The following GABRB1 variants were observed in gnomAD, a reference collection of about 807,000 sequenced individuals.
GABRB1 encodes the protein gamma-aminobutyric acid type A receptor subunit beta1.
Under a neutral mutation model 51.6 loss-of-function variants are expected in GABRB1, and 17 were observed. The ratio of observed to expected loss-of-function variants is 0.33; its 90% CI spans 0.23 to 0.49. The LOEUF (loss-of-function observed/expected upper bound fraction) is 0.49. Ranked by LOEUF, GABRB1 falls within the 20% of genes least tolerant of loss-of-function variation. The pLI, the probability that GABRB1 is intolerant of heterozygous loss-of-function variation, is 0.99. For synonymous variants in GABRB1, 247 were observed against 218.9 expected, an observed-to-expected ratio of 1.13 and a Z score of -1.14; for missense variants, 410 against 600.6, an observed-to-expected ratio of 0.68 and a Z score of 3.32.
At chr4:47,106,210 G>C (rs1227930740) in intron 3 of GABRB1, among the ~76,000 whole-genome samples, 1 of 151,938 alleles carries the variant, frequency 6.6e-6, no homozygotes, top group African/African-American at 2.4e-5. Flanking sequence ...TTTATGTCCA[G>C]TTTACAGGAG....
At chr4:47,120,898 GGA>G (rs1310495857) in intron 3 of GABRB1, among the ~76,000 whole-genome samples, 1 of 152,062 alleles carries the variant, frequency 6.6e-6, no homozygotes, top group African/African-American at 2.4e-5. Flanking sequence ...GCAGAAGAAA[GGA>G]GACTTTTCGG....
At chr4:47,123,560 TAATATATTA>T (rs1715916913) in intron 3 of GABRB1, among the ~76,000 whole-genome samples, 1 of 66,122 alleles carries the variant, frequency 1.5e-5, no homozygotes, top group Non-Finnish European at 2.6e-5. Context: ...TTATATATTA[TAATATATTA>T]CATTATTTCA....
chr4:47,198,621 G>T (rs981254297), intron 4 of GABRB1, among the ~76,000 whole-genome samples: 1 of 152,180 alleles, frequency 6.6e-6, no homozygotes, highest in Non-Finnish European at 1.5e-5. Flanking sequence ...GGCAATTGTT[G>T]TTATATAGTG....
intron 4 of GABRB1, among the ~76,000 whole-genome samples, chr4:47,253,617 C>T (rs1157618562): frequency 6.6e-6 from 1 of 152,206 alleles, no homozygotes; most frequent in Non-Finnish European, 1.5e-5. Flanking sequence ...ACACCACCCA[C>T]TTTCTTTTAT....
chr4:47,320,746 A>C (rs1392965243), intron 5 of GABRB1, among the ~76,000 whole-genome samples: 2 of 148,660 alleles, frequency 1.3e-5, no homozygotes, highest in African/African-American at 4.9e-5. Context: ...CTGCTTTTTC[A>C]CTGATTGTTT....
intron 5 of GABRB1, among the ~76,000 whole-genome samples, chr4:47,351,358 A>G (rs1726323240): frequency 6.6e-6 from 1 of 152,212 alleles, no homozygotes; most frequent in Admixed American, 6.5e-5. Context: ...ATTAAAAGCC[A>G]AGACAAATTG....
At chr4:47,074,492 G>A (rs1454806813) in intron 3 of GABRB1, among the ~76,000 whole-genome samples, 2 of 152,140 alleles carry the variant, frequency 1.3e-5, no homozygotes, top group African/African-American at 4.8e-5. Flanking sequence ...TCTATAAAAT[G>A]GGTATAAAAT....
intron 3 of GABRB1, among the ~76,000 whole-genome samples, chr4:47,135,729 G>A (rs1716620693): frequency 1.3e-5 from 2 of 151,834 alleles, no homozygotes; most frequent in African/African-American, 4.8e-5. Flanking sequence ...TGCTGTCAGA[G>A]TGATCTTTAT....
intron 4 of GABRB1, among the ~76,000 whole-genome samples, chr4:47,186,770 C>A (rs1348662375): frequency 1.3e-5 from 2 of 151,860 alleles, no homozygotes; most frequent in Admixed American, 6.6e-5. Flanking sequence ...GTAGGCTCCT[C>A]TTATTAGAGA....
intron 4 of GABRB1, among the ~76,000 whole-genome samples, chr4:47,194,827 T>C (rs1167489312): frequency 6.6e-6 from 1 of 152,220 alleles, no homozygotes; most frequent in Non-Finnish European, 1.5e-5. Flanking sequence ...TAAAGGATAT[T>C]AAGTTCCTTA....
chr4:47,113,290 G>A (rs1715314105), intron 3 of GABRB1, among the ~76,000 whole-genome samples: 1 of 150,720 alleles, frequency 6.6e-6, no homozygotes, highest in Non-Finnish European at 1.5e-5. Context: ...AGAGGCTGAG[G>A]AAGGAGAATT....
chr4:47,244,006 T>C (rs1310358890), intron 4 of GABRB1, among the ~76,000 whole-genome samples: 2 of 152,212 alleles, frequency 1.3e-5, no homozygotes, highest in African/African-American at 2.4e-5. Context: ...TTCACTATGA[T>C]ATTGGCTGTG....
chr4:47,010,561 A>G (rs914311442), intron 1 of GABRB1, among the ~76,000 whole-genome samples: 4 of 152,360 alleles, frequency 2.6e-5, no homozygotes, highest in Admixed American at 2.0e-4. Flanking sequence ...TATTTTGTCA[A>G]TGCAAATAAA....
intron 3 of GABRB1, among the ~76,000 whole-genome samples, chr4:47,078,198 AG>A (rs1195389647): frequency 6.6e-6 from 1 of 151,458 alleles, no homozygotes. Flanking sequence ...CCTGTTGGTC[AG>A]GCTGGTCTCG....
intron 4 of GABRB1, among the ~76,000 whole-genome samples, chr4:47,223,252 A>G (rs16860074): frequency 0.014 from 2,142 of 152,202 alleles, 52 homozygotes; most frequent in African/African-American, 0.048. Flanking sequence ...TCGAAAGTAT[A>G]TTATTTTACT....
At chr4:47,151,559 T>C (rs1717456581) in intron 3 of GABRB1, among the ~76,000 whole-genome samples, 1 of 152,058 alleles carries the variant, frequency 6.6e-6, no homozygotes, top group Non-Finnish European at 1.5e-5. Flanking sequence ...TCTGGTCATG[T>C]AGTCATAGTC....
chr4:47,011,971 C>T (rs935910209), intron 1 of GABRB1, among the ~76,000 whole-genome samples: 1 of 152,086 alleles, frequency 6.6e-6, no homozygotes, highest in African/African-American at 2.4e-5. Flanking sequence ...TAAATTCTAA[C>T]ATTTGTCAAA....
At chr4:47,077,216 T>A (rs961581769) in intron 3 of GABRB1, among the ~76,000 whole-genome samples, 1 of 152,170 alleles carries the variant, frequency 6.6e-6, no homozygotes, top group Non-Finnish European at 1.5e-5. Flanking sequence ...ACCATGGGTA[T>A]TACCAGATCT....
chr4:47,295,736 C>G (rs909450832), intron 4 of GABRB1, among the ~76,000 whole-genome samples: 4 of 152,126 alleles, frequency 2.6e-5, no homozygotes, highest in Admixed American at 6.5e-5. Context: ...GGCCAACATT[C>G]AGATTCAGGA....
Sources: allele counts gnomAD v4.1 joint callset (sites outside exome capture counted in the v4.1 genomes callset), GRCh38; gene constraint gnomAD v4.1.1; transcripts MANE v1.5; gene names NCBI Gene and HGNC (gene_info 2026-07-23, HGNC 2026-07-21).